Variants in TRPC6 observed in about 807,000 individuals in gnomAD.
The protein encoded by TRPC6 is transient receptor potential cation channel subfamily C member 6.
Under a neutral mutation model 90.7 loss-of-function variants are expected in TRPC6, and 55 were observed. The ratio of observed to expected loss-of-function variants is 0.61; its 90% CI spans 0.49 to 0.76. The LOEUF (loss-of-function observed/expected upper bound fraction) is 0.76, where lower values mean the gene tolerates loss of function less well. Ranked by LOEUF, TRPC6 falls within the 30% of genes least tolerant of loss-of-function variation. TRPC6 has a pLI of 0.00. For synonymous variants in TRPC6, 393 were observed against 393.0 expected, an observed-to-expected ratio of 1.00 and a Z score of 0.00; for missense variants, 989 against 1,122.7, an observed-to-expected ratio of 0.88 and a Z score of 1.70.
chr11:101,527,649 TA>T (rs1490479306), intron 1 of TRPC6, among the ~76,000 whole-genome samples: 1 of 152,230 alleles, frequency 6.6e-6, no homozygotes, highest in Non-Finnish European at 1.5e-5. Flanking sequence ...TGAATTTTGC[TA>T]ATCAACTTTA....
At chr11:101,541,893 G>T (rs774323366) in intron 1 of TRPC6, among the ~76,000 whole-genome samples, 15 of 152,164 alleles carry the variant, frequency 9.9e-5, no homozygotes, top group Non-Finnish European at 1.8e-4. Context: ...CAAGCAGAGA[G>T]CCTCCAACCA....
chr11:101,519,853 A>C (rs1487793899), intron 1 of TRPC6: 2 of 153,176 alleles, frequency 1.3e-5, no homozygotes, highest in African/African-American at 4.8e-5. Flanking sequence ...TAAGATAATC[A>C]GTACAATCTC....
chr11:101,546,033 G>A (rs1393926684), intron 1 of TRPC6, among the ~76,000 whole-genome samples: 1 of 128,856 alleles, frequency 7.8e-6, no homozygotes, highest in African/African-American at 2.8e-5. Flanking sequence ...AATGGATCTA[G>A]TATCACATTT....
At chr11:101,474,910 G>A (rs1451343856) in intron 6 of TRPC6, among the ~76,000 whole-genome samples, 15 of 152,102 alleles carry the variant, frequency 9.9e-5, no homozygotes, top group Non-Finnish European at 1.6e-4. Flanking sequence ...TAGTTAGCTC[G>A]GCATTACCTT....
rs530759937 is a variant in TRPC6 at position 101,526,795 on chromosome 11, C to T, written c.171-21997G>A. 8.0e-5 allele frequency among the ~76,000 whole-genome samples: 10 copies of T among 125,112 alleles called. No individual in the cohort carries two copies. In the South Asian group the frequency reaches 1.1e-3, roughly 14 times the overall value. The allele number at this position is 125,112 out of a possible 152,430, so 82.1% of individuals were successfully genotyped here. On this transcript the variant is annotated intron_variant, in intron 1 of 12. Transcript: ENST00000344327. ...AGGAGAATCTCGTCAACCCGGGAGG[C>T]GGAGCTTGCAGTGAGCTGAGATTGC...
At chr11:101,549,256 G>C (rs1160676803) in intron 1 of TRPC6, among the ~76,000 whole-genome samples, 1 of 151,734 alleles carries the variant, frequency 6.6e-6, no homozygotes, top group Non-Finnish European at 1.5e-5. Flanking sequence ...TTATTCACTA[G>C]GTTGATTTTA....
chr11:101,522,007 A>C (rs1860674344), intron 1 of TRPC6, among the ~76,000 whole-genome samples: 1 of 152,124 alleles, frequency 6.6e-6, no homozygotes, highest in Admixed American at 6.5e-5. Flanking sequence ...CTCAGATGAG[A>C]CTTTGAACTG....
chr11:101,535,645 TTTGTC>T (rs1440485105), intron 1 of TRPC6, among the ~76,000 whole-genome samples: 1 of 152,184 alleles, frequency 6.6e-6, no homozygotes, highest in Non-Finnish European at 1.5e-5. Context: ...TCCTTTGTGA[TTTGTC>T]TAGTCTGATA....
chr11:101,542,043 ATTCTCTACT>A (rs1405144764), intron 1 of TRPC6, among the ~76,000 whole-genome samples: 1 of 152,200 alleles, frequency 6.6e-6, no homozygotes, highest in African/African-American at 2.4e-5. Context: ...TGGCTGGCGC[ATTCTCTACT>A]GGAAGAGAAA....
intron 10 of TRPC6, among the ~76,000 whole-genome samples, chr11:101,462,319 T>C (rs1184998932): frequency 6.6e-6 from 1 of 152,222 alleles, no homozygotes; most frequent in Non-Finnish European, 1.5e-5. Context: ...CTTTGAAGTT[T>C]AAAGTAGTTT....
intron 1 of TRPC6, among the ~76,000 whole-genome samples, chr11:101,528,628 T>C (rs1667629179): frequency 6.6e-6 from 1 of 152,178 alleles, no homozygotes; most frequent in African/African-American, 2.4e-5. Context: ...TTATGTGTAG[T>C]CTGCTTTCTC....
At chr11:101,576,147 T>G (rs2136897279) in intron 1 of TRPC6, among the ~76,000 whole-genome samples, 1 of 152,344 alleles carries the variant, frequency 6.6e-6, no homozygotes, top group Admixed American at 6.5e-5. Context: ...ATTTCAGCAT[T>G]GTTCTTTATA....
At chr11:101,522,145 A>T (rs1350488267) in intron 1 of TRPC6, among the ~76,000 whole-genome samples, 1 of 152,146 alleles carries the variant, frequency 6.6e-6, no homozygotes, top group Admixed American at 6.5e-5. Context: ...TATGGTTTGG[A>T]TTTGTGTCTT....
intron 1 of TRPC6, among the ~76,000 whole-genome samples, chr11:101,513,458 T>C (rs747395382): frequency 1.1e-4 from 17 of 152,096 alleles, no homozygotes; most frequent in Admixed American, 4.6e-4. Context: ...AAATCATCAC[T>C]AAAGAACTTA....
chr11:101,573,254 T>G (rs183632387), intron 1 of TRPC6, among the ~76,000 whole-genome samples: 12 of 147,558 alleles, frequency 8.1e-5, no homozygotes, highest in Non-Finnish European at 3.0e-5. Flanking sequence ...GTCATTTTTT[T>G]ACAGAGTACC....
intron 1 of TRPC6, among the ~76,000 whole-genome samples, chr11:101,563,664 A>T (rs1464024276): frequency 1.3e-5 from 2 of 152,072 alleles, no homozygotes; most frequent in East Asian, 3.9e-4. Flanking sequence ...GATAAAGAGG[A>T]TGGGAATATC....
chr11:101,571,009 G>A (rs911751143), intron 1 of TRPC6, among the ~76,000 whole-genome samples: 2 of 152,170 alleles, frequency 1.3e-5, no homozygotes, highest in African/African-American at 4.8e-5. Flanking sequence ...AGTATTGGAA[G>A]TTCTGGCCAG....
intron 10 of TRPC6, among the ~76,000 whole-genome samples, chr11:101,456,367 T>G (rs1020687373): frequency 6.6e-6 from 1 of 152,164 alleles, no homozygotes; most frequent in Non-Finnish European, 1.5e-5. Flanking sequence ...ACATAACATC[T>G]TAAATAATAT....
intron 1 of TRPC6, among the ~76,000 whole-genome samples, chr11:101,505,808 G>A (rs1292851091): frequency 6.6e-6 from 1 of 152,048 alleles, no homozygotes; most frequent in Non-Finnish European, 1.5e-5. Context: ...TGCCCAGGAA[G>A]TCAAGACTAG....
Sources: gnomAD v4.1 joint callset for allele counts (sites outside exome capture counted in the v4.1 genomes callset) on GRCh38, gnomAD v4.1.1 for gene constraint, MANE v1.5 for transcripts, NCBI Gene and HGNC (gene_info 2026-07-23, HGNC 2026-07-21) for gene names.